TTN: variants seen among roughly 807,000 people sequenced by gnomAD.
The protein encoded by TTN is titin, also known as connectin.
In TTN, 1,525 loss-of-function variants were observed where a neutral mutation model predicts 3,223.0. That is an observed-to-expected ratio of 0.47 (90% CI 0.45 to 0.49). The LOEUF (loss-of-function observed/expected upper bound fraction) is 0.49. TTN is among the 20% of genes least tolerant of loss of function. The probability of loss-of-function intolerance (pLI) is 0.00; values close to 1 mark genes in which losing one functional copy is unlikely to be tolerated. For missense variants in TTN, 40,786 were observed against 43,424.0 expected (o/e 0.94, Z 5.40); for synonymous variants, 14,094 against 15,161.0 (o/e 0.93, Z 5.17).
At chr2:178,714,954 T>G (rs1392326780) in intron 90 of TTN, 32 bp downstream of exon 90, 1 of 1,576,222 alleles carries the variant, frequency 6.3e-7, no homozygotes, top group Non-Finnish European at 8.6e-7. Flanking sequence ...AGAAGGGAAG[T>G]AGTGAGCAGA....
At position 178,552,591 on chromosome 2, in the gene TTN, C is replaced by G. The variant is rs1060503968; in HGVS notation, c.90309G>C (p.Val30103=). 1 of 1,613,862 alleles carries G rather than the reference C, an allele frequency of 6.2e-7. No individual in the cohort carries two copies. The highest frequency in any genetic ancestry group is 8.5e-7 in the Non-Finnish European group (1 of 1,179,820). Reference sequence around the variant, plus strand: ...TCAGTCCTTTCTCATTTTTGGCAAACACTCTGAACTCCAGGACTGACTGCT... The same window carrying G: ...TCAGTCCTTTCTCATTTTTGGCAAAGACTCTGAACTCCAGGACTGACTGCT... ...LKEQSVLEFR[V]FAKNEKGLSD... Residue 30103 remains valine, a synonymous_variant, in exon 335 of 363, where the codon GTG becomes GTC. Transcript: ENST00000589042.
chr2:178,616,794 A>G lies in TTN; in HGVS notation c.48095T>C (p.Ile16032Thr), dbSNP rs879171203. The change falls in exon 256 of 363, where the codon ATT becomes ACT. Residue 16032 changes from isoleucine to threonine, a missense_variant. Transcript: ENST00000589042. Reference protein sequence around the residue: ...ISPSERSDKGIYTLKLENRVK... With the variant: ...ISPSERSDKGTYTLKLENRVK... ...ACGGTTTTCTAATTTCAGTGTATAA[A>G]TGCCCTTGTCTGAACGTTCACTTGG... 1 of 1,612,820 alleles carries G rather than the reference A, an allele frequency of 6.2e-7. No homozygotes were observed. Among genetic ancestry groups the G allele is most frequent in the Non-Finnish European group, 8.5e-7 (1 of 1,179,200 alleles).
intron 10 of TTN, among the ~76,000 whole-genome samples, chr2:178,791,372 G>T (rs1315105481): frequency 6.6e-6 from 1 of 152,168 alleles, no homozygotes; most frequent in African/African-American, 2.4e-5. Flanking sequence ...GTTCAAGGAG[G>T]ATGAGCACAG....
chr2:178,747,109 T>C (rs768066805), intron 47 of TTN: 4 of 1,607,764 alleles, frequency 2.5e-6, no homozygotes, highest in Non-Finnish European at 3.4e-6. Flanking sequence ...CTCCTGGGGG[T>C]GTGGAGTATC....
chr2:178,737,993 T>A (rs1007942366), intron 49 of TTN, 89 bp downstream of exon 49: 6 of 1,527,982 alleles, frequency 3.9e-6, no homozygotes, highest in Non-Finnish European at 5.3e-6. Context: ...CAGTTGGTAA[T>A]ACAAGCATTT....
chr2:178,580,668 G>A, intron 316 of TTN, 59 bp from the exon 317 acceptor site: 1 of 1,499,634 alleles, frequency 6.7e-7, no homozygotes, highest in South Asian at 1.3e-5. Flanking sequence ...GTATTTCCAG[G>A]GACTGGCCTT....
At chr2:178,676,321 G>T (rs909013704) in intron 147 of TTN, among the ~76,000 whole-genome samples, 1 of 151,758 alleles carries the variant, frequency 6.6e-6, no homozygotes, top group East Asian at 1.9e-4. Flanking sequence ...GTAATTTATT[G>T]TCTAGAAAGT....
chr2:178,735,599 C>G lies in TTN; in HGVS notation c.14847G>C (p.Leu4949Phe), dbSNP rs370996177. Residue 4949 changes from leucine (L) to phenylalanine (F), a missense_variant, in exon 50 of 363, where the codon TTG (leucine) becomes TTC (phenylalanine). Transcript: ENST00000589042. Reference sequence around the variant, plus strand: ...AGGTTCCTGAATCTTTCAGTTTGGCCAAAGGAATCTCAAGTGTTGCTATTT... The same window carrying G: ...AGGTTCCTGAATCTTTCAGTTTGGCGAAAGGAATCTCAAGTGTTGCTATTT... ...EDKIATLEIP[L>F]AKLKDSGTYV... 1.9e-6 allele frequency: 3 copies of G among 1,613,308 alleles called. No individual in the cohort carries two copies. In the African/African-American group the frequency reaches 4.0e-5, roughly 22 times the overall value.
Position 178,532,664 on chromosome 2 carries a change from T to C in TTN, c.103951A>G (p.Arg34651Gly), listed in dbSNP as rs751069442. Reference sequence around the variant, plus strand: ...GAGATGTCCCCAAGAGAACGTCTTCTAGGTCGGTAGTAAAAGTCATAATCA... The same window carrying C: ...GAGATGTCCCCAAGAGAACGTCTTCCAGGTCGGTAGTAAAAGTCATAATCA... ...SPDYDFYYRP[R>G]RRSLGDISDE... The change falls in exon 358 of 363, where the codon AGA becomes GGA. Residue 34651 changes from arginine to glycine, a missense_variant. Arg to Gly is a moderately radical substitution (Grantham distance 125). Transcript: ENST00000589042. 2 of 1,613,972 alleles carry C rather than the reference T, an allele frequency of 1.2e-6. No homozygotes were observed. Among genetic ancestry groups the C allele is most frequent in the East Asian group, 2.2e-5 (1 of 44,882 alleles).
intron 47 of TTN, chr2:178,750,571 T>A (rs777091087): frequency 6.2e-7 from 1 of 1,612,484 alleles, no homozygotes. Context: ...GAAATGAAGG[T>A]GGGCAACGTT....
At position 178,728,133 on chromosome 2, in the gene TTN, C is replaced by A; in HGVS notation, c.19691G>T (p.Cys6564Phe). 1 of 1,594,966 alleles carries A rather than the reference C, an allele frequency of 6.3e-7. No individual in the cohort carries two copies. The highest frequency in any genetic ancestry group is 1.1e-5 in the South Asian group (1 of 87,482). ...ACCTTTCACAGTTAAGATGCCACTG[C>A]ATGCATCATCTCCTGCTACATTTGA... The part of the protein sequence containing the change: ...KVSNVAGDDA[C>F]SGILTVKEPP... The change falls in exon 67 of 363, where the codon TGC becomes TTC. Residue 6564 changes from cysteine to phenylalanine, a missense_variant. Coordinates refer to ENST00000589042, the MANE Select transcript of TTN (RefSeq NM_001267550.2).
intron 106 of TTN, among the ~76,000 whole-genome samples, 198 bp from the exon 107 acceptor site, chr2:178,702,861 T>C (rs896158804): frequency 2.0e-5 from 3 of 152,356 alleles, no homozygotes; most frequent in Middle Eastern, 3.4e-3. Flanking sequence ...CTTAAGTGTA[T>C]TCATGCTGGT....
chr2:178,719,424 C>G lies in TTN; in HGVS notation c.23966G>C (p.Arg7989Pro), dbSNP rs898421060. ...SDRIVPPSFI[R>P]KLKDVNAILG... ...GATGGCATTCACGTCTTTCAGCTTG[C>G]GGATGAAGGAAGGAGGCACAATCCG... Residue 7989 changes from arginine to proline, a missense_variant, in exon 83 of 363, where the codon CGC becomes CCC. Arg to Pro is a moderately radical substitution (Grantham distance 103). Transcript: ENST00000589042. The G allele has an allele frequency of 6.2e-7, 1 of 1,612,700 alleles. No individual in the cohort carries two copies. Among genetic ancestry groups the G allele is most frequent in the Non-Finnish European group, 8.5e-7 (1 of 1,179,058 alleles).
rs1393282264 is a variant in TTN, at chr2:178,548,796, G to T, written c.92830C>A (p.Arg30944Ser). ...CTACCTTGGTAGGCAATGAAGAGGCGAATACTGGCCCCAGCTCTAACAACA... is the reference window on the plus strand; with the variant it reads ...CTACCTTGGTAGGCAATGAAGAGGCTAATACTGGCCCCAGCTCTAACAACA... ...THVVRAGASI[R>S]LFIAYQGRPT... The change falls in exon 339 of 363, where the codon CGC (arginine) becomes AGC (serine). Residue 30944 changes from arginine (R) to serine (S), a missense_variant. Arg to Ser is a moderately radical substitution (Grantham distance 110, BLOSUM62 -1). Coordinates refer to ENST00000589042, the MANE Select transcript of TTN (RefSeq NM_001267550.2). The surrounding 1 kb of genome is among the most constrained non-coding windows in gnomAD (Gnocchi z 4.3). 3 of 1,612,664 alleles carry T rather than the reference G, an allele frequency of 1.9e-6. No individual in the cohort carries two copies. In the Admixed American group the frequency reaches 5.0e-5, roughly 27 times the overall value.
Position 178,587,717 on chromosome 2 carries a change from C to G in TTN, c.63592G>C (p.Val21198Leu). 1 of 1,612,900 alleles carries G rather than the reference C, an allele frequency of 6.2e-7. No individual in the cohort carries two copies. The change falls in exon 306 of 363, where the codon GTG becomes CTG. Residue 21198 changes from valine to leucine, a missense_variant. Val to Leu is a conservative substitution (Grantham distance 32, BLOSUM62 1). Coordinates refer to ENST00000589042, the MANE Select transcript of TTN (RefSeq NM_001267550.2). ...AGCPIRLFAIVRGRPAPKVTW... is the reference protein window; with the variant it reads ...AGCPIRLFAILRGRPAPKVTW... ...ACTTTAGGGGCTGGTCGTCCTCTCA[C>G]TATAGCAAAGAGACGAATAGGGCAT...
intron 91 of TTN, 45 bp from the exon 92 acceptor site, chr2:178,714,220 A>C (rs1394349897): frequency 6.3e-7 from 1 of 1,590,166 alleles, no homozygotes; most frequent in Non-Finnish European, 8.5e-7. Context: ...ACTCAAATTG[A>C]AAAACTAAAG....
chr2:178,596,844 A>G (rs544148840), intron 294 of TTN, among the ~76,000 whole-genome samples: 14 of 152,172 alleles, frequency 9.2e-5, no homozygotes, highest in Non-Finnish European at 1.8e-4. Context: ...TTCTGAGCAA[A>G]TCACTGGACT....
chr2:178,663,834 C>T lies in TTN; in HGVS notation c.36433G>A (p.Val12145Ile), dbSNP rs1475969736. 1 of 1,613,470 alleles carries T rather than the reference C, an allele frequency of 6.2e-7. No homozygotes were observed. Among genetic ancestry groups the T allele is most frequent in the East Asian group, 2.2e-5 (1 of 44,872 alleles). ...TGGCAACTACCTTTAACAGGTGGGA[C>T]TTCAGGCTCTTTAGGAGGAGCCAAG... ...VPLAPPKEPE[V>I]PPVKVPEPPK... The change falls in exon 170 of 363, where the codon GTC (valine) becomes ATC (isoleucine). Residue 12145 changes from valine (V) to isoleucine (I), a missense_variant. By Grantham distance (29) the Val-to-Ile change is conservative (BLOSUM62 3). Coordinates refer to ENST00000589042, the MANE Select transcript of TTN (RefSeq NM_001267550.2).
At position 178,546,372 on chromosome 2, in the gene TTN, G is replaced by A. The variant is rs546302731; in HGVS notation, c.94959C>T (p.Asp31653=). The A allele has an allele frequency of 1.2e-6, 2 of 1,613,746 alleles. No homozygotes were observed. Among genetic ancestry groups the A allele is most frequent in the East Asian group, 4.5e-5 (2 of 44,876 alleles). The change falls in exon 342 of 363, where the codon GAC becomes GAT. Residue 31653 remains aspartate (D), a synonymous_variant. Coordinates refer to ENST00000589042, the MANE Select transcript of TTN (RefSeq NM_001267550.2). ...CTTTTTCACAGAGATCTAGCTCCTTGTCTCCTTTGGTCCAGATAATTTTGG... is the reference window on the plus strand; with the variant it reads ...CTTTTTCACAGAGATCTAGCTCCTTATCTCCTTTGGTCCAGATAATTTTGG... ...PEPKIIWTKG[D]KELDLCEKVS...
Sources: allele counts gnomAD v4.1 joint callset (sites outside exome capture counted in the v4.1 genomes callset), GRCh38; gene constraint gnomAD v4.1.1; non-coding constraint Gnocchi (gnomAD v3.1); transcripts MANE v1.5; gene names NCBI Gene and HGNC (gene_info 2026-07-23, HGNC 2026-07-21).